The following SRSF2 variants were observed in gnomAD, a reference collection of about 807,000 sequenced individuals.
The protein encoded by SRSF2 is serine/arginine-rich splicing factor 2.
A neutral mutation model predicts 15.7 loss-of-function variants in SRSF2; 4 were observed. That is an observed-to-expected ratio of 0.26 (90% confidence interval 0.13 to 0.58). The LOEUF (loss-of-function observed/expected upper bound fraction) is 0.58, where lower values mean the gene tolerates loss of function less well. Among genes scored for constraint, SRSF2 ranks in the 20% least tolerant of loss-of-function variants. The probability of loss-of-function intolerance (pLI) is 0.90; values close to 1 mark genes in which losing one functional copy is unlikely to be tolerated. For missense variants in SRSF2, 147 were observed against 332.4 expected (o/e 0.44, Z 4.34); for synonymous variants, 192 against 138.9 (o/e 1.38, Z -2.69).
At position 76,737,193 on chromosome 17, in the gene SRSF2, TGGCGCC is replaced by T; in HGVS notation, c.-39_-34del. 1 of 1,512,680 alleles carries T rather than the reference TGGCGCC, an allele frequency of 6.6e-7. No individual in the cohort carries two copies. Among genetic ancestry groups the T allele is most frequent in the South Asian group, 1.3e-5 (1 of 78,376 alleles). The allele number at this position is 1,512,680 out of a possible 1,614,324, so 93.7% of individuals were successfully genotyped here. ...AGTGGCGGCCCGGAGCCCCGCGAAC[TGGCGCC>T]GGCTTCCTCAGCTCTGGGCGGTGCG... is the stretch of plus-strand genomic sequence containing the variant. On this transcript the variant is annotated 5_prime_UTR_variant, in exon 1 of 3. Coordinates refer to ENST00000359995, the MANE Select transcript of SRSF2 (RefSeq NM_001195427.2).
chr17:76,734,865 CAAAA>C lies in SRSF2; in HGVS notation c.*297_*300del, dbSNP rs779289720. On this transcript the variant is annotated 3_prime_UTR_variant, in exon 3 of 3. Coordinates refer to ENST00000359995, the MANE Select transcript of SRSF2 (RefSeq NM_001195427.2). ...GGTTACCAATCTGTTTAATTTCAAA[CAAAA>C]AAAGTCAGCACTATATAACAAAATG... 3 of 238,716 alleles carry C rather than the reference CAAAA, an allele frequency of 1.3e-5. No homozygotes were observed. Among genetic ancestry groups the C allele is most frequent in the South Asian group, 1.8e-4 (1 of 5,452 alleles). The allele number at this position is 238,716 out of a possible 1,614,324, so 14.8% of individuals were successfully genotyped here. A position where few individuals can be genotyped will look rare whatever the true frequency, so the allele number is the denominator to read the frequency against.
At chr17:76,735,976 A>G (rs1477311339) in intron 2 of SRSF2, 178 bp downstream of exon 2, 3 of 642,066 alleles carry the variant, frequency 4.7e-6, no homozygotes, top group Non-Finnish European at 8.1e-6. Context: ...TTATTATCTA[A>G]GCTTCATACA....
chr17:76,736,677 G>A (rs1474865958), intron 1 of SRSF2, 122 bp downstream of exon 1: 3 of 1,235,086 alleles, frequency 2.4e-6, no homozygotes, highest in South Asian at 2.3e-5. Flanking sequence ...GTCGCGAGAC[G>A]CGGCGTGCAC....
chr17:76,737,364 T>G (rs975491391), upstream of SRSF2: 16 of 599,434 alleles, frequency 2.7e-5, no homozygotes, highest in African/African-American at 1.7e-4. Flanking sequence ...CCCGTTTATA[T>G]CGCTCCTCAC....
chr17:76,736,553 C>T lies in SRSF2; in HGVS notation c.363-89G>A, dbSNP rs529999340. On this transcript the variant is annotated intron_variant, in intron 1 of 2. Coordinates refer to ENST00000359995, the MANE Select transcript of SRSF2 (RefSeq NM_001195427.2). Reference sequence around the variant, plus strand: ...GCGCTCCCGCCCAGGCCGCCATTATCTCGCCGCCAGACGCCATTTCCCCAG... The same window carrying T: ...GCGCTCCCGCCCAGGCCGCCATTATTTCGCCGCCAGACGCCATTTCCCCAG... 98 of 1,426,258 alleles carry T rather than the reference C, an allele frequency of 6.9e-5. 1 individual carries two copies. In the South Asian group the frequency reaches 1.1e-3, roughly 15 times the overall value. 88.4% of individuals were successfully genotyped at this position (1,426,258 alleles called of 1,614,324 possible). A position where few individuals can be genotyped will look rare whatever the true frequency, so the allele number is the denominator to read the frequency against.
chr17:76,736,483 A>T lies in SRSF2; in HGVS notation c.363-19T>A, dbSNP rs1442770509. 2.5e-6 allele frequency: 4 copies of T among 1,606,824 alleles called. No homozygotes were observed. The highest frequency in any genetic ancestry group is 3.4e-6 in the Non-Finnish European group (4 of 1,179,434). ...CCTAGGGCTGCGGGCGGGACGAGCA[A>T]GCACAGCGGGGTTAATTCCAGGCAG... On this transcript the variant is annotated intron_variant, in intron 1 of 2. Coordinates refer to ENST00000359995, the MANE Select transcript of SRSF2 (RefSeq NM_001195427.2).
At position 76,737,331 on chromosome 17, in the gene SRSF2, T is replaced by C. The variant is rs940375338; in HGVS notation, c.-171A>G. On this transcript the variant is annotated 5_prime_UTR_variant, in exon 1 of 3. Transcript: ENST00000359995. Reference sequence around the variant, plus strand: ...CAGGCTAGCGCACCTGAGTAACAACTGGGCGGGCAGCCGGCCTCTGCGCCC... The same window carrying C: ...CAGGCTAGCGCACCTGAGTAACAACCGGGCGGGCAGCCGGCCTCTGCGCCC... 1.8e-4 allele frequency: 158 copies of C among 866,214 alleles called. No individual in the cohort carries two copies. Among genetic ancestry groups the C allele is most frequent in the Non-Finnish European group, 2.6e-4 (154 of 596,530 alleles). The allele number at this position is 866,214 out of a possible 1,614,324, so 53.7% of individuals were successfully genotyped here.
chr17:76,737,261 G>T lies in SRSF2; in HGVS notation c.-101C>A. The T allele has an allele frequency of 7.0e-7, 1 of 1,429,592 alleles. No individual in the cohort carries two copies. The highest frequency in any genetic ancestry group is 9.3e-7 in the Non-Finnish European group (1 of 1,080,268). 88.6% of individuals were successfully genotyped at this position (1,429,592 alleles called of 1,614,324 possible). A position where few individuals can be genotyped will look rare whatever the true frequency, so the allele number is the denominator to read the frequency against. ...CTCAGGCAGTTGCCTTCCGCGTGGG[G>T]ACACTGGGAAAGGCCTTGCCGCAGA... On this transcript the variant is annotated 5_prime_UTR_variant, in exon 1 of 3. Transcript: ENST00000359995.
At position 76,737,280 on chromosome 17, in the gene SRSF2, C is replaced by A; in HGVS notation, c.-120G>T. ...CGTGGGGACACTGGGAAAGGCCTTG[C>A]CGCAGAACAGCACGGACGGGCTCCG... On this transcript the variant is annotated 5_prime_UTR_variant, in exon 1 of 3. Transcript: ENST00000359995. 7.4e-7 allele frequency: 1 copy of A among 1,358,536 alleles called. No homozygotes were observed. The highest frequency in any genetic ancestry group is 9.8e-7 in the Non-Finnish European group (1 of 1,022,434). The allele number at this position is 1,358,536 out of a possible 1,614,324, so 84.2% of individuals were successfully genotyped here. A position where few individuals can be genotyped will look rare whatever the true frequency, so the allele number is the denominator to read the frequency against.
Position 76,737,298 on chromosome 17 carries a change from G to A in SRSF2, c.-138C>T, listed in dbSNP as rs535772387. The A allele has an allele frequency of 3.9e-4, 469 of 1,214,364 alleles. 2 individuals are homozygous for A. Among genetic ancestry groups the A allele is most frequent in the African/African-American group, 1.3e-3 (88 of 65,270 alleles). 75.2% of individuals were successfully genotyped at this position (1,214,364 alleles called of 1,614,324 possible). On this transcript the variant is annotated 5_prime_UTR_variant, in exon 1 of 3. Coordinates refer to ENST00000359995, the MANE Select transcript of SRSF2 (RefSeq NM_001195427.2). ...GGCCTTGCCGCAGAACAGCACGGACGGGCTCCGCAGGCTAGCGCACCTGAG... is the reference window on the plus strand; with the variant it reads ...GGCCTTGCCGCAGAACAGCACGGACAGGCTCCGCAGGCTAGCGCACCTGAG...
rs1035631677 is a variant in SRSF2, at chr17:76,734,871, AAGTC to A, written c.*291_*294del. The stretch of plus-strand genomic sequence containing the variant: ...CAATCTGTTTAATTTCAAACAAAAA[AAGTC>A]AGCACTATATAACAAAATGAAATTT... On this transcript the variant is annotated 3_prime_UTR_variant, in exon 3 of 3. Coordinates refer to ENST00000359995, the MANE Select transcript of SRSF2 (RefSeq NM_001195427.2). 2.6e-4 allele frequency: 62 copies of A among 239,732 alleles called. 1 individual carries two copies. The highest frequency in any genetic ancestry group is 1.7e-4 in the Non-Finnish European group (19 of 113,150). The allele number at this position is 239,732 out of a possible 1,614,324, so 14.9% of individuals were successfully genotyped here.
chr17:76,736,366 C>G lies in SRSF2; in HGVS notation c.461G>C (p.Arg154Pro), dbSNP rs1244786482. The change falls in exon 2 of 3, where the codon CGT becomes CCT. Residue 154 changes from arginine (R) to proline (P), a missense_variant. Arg to Pro is a moderately radical substitution (Grantham distance 103). Transcript: ENST00000359995. ...CTTGGAGGTCGACCGAGATCGAGAA[C>G]GAGTGCGGGACCGAGACTTCGAGCG... ...YSRSKSRSRT[R>P]SRSRSTSKSR... 6 of 1,614,022 alleles carry G rather than the reference C, an allele frequency of 3.7e-6. No homozygotes were observed. Among genetic ancestry groups the G allele is most frequent in the Non-Finnish European group, 3.4e-6 (4 of 1,180,034 alleles).
At position 76,736,924 on chromosome 17, in the gene SRSF2, C is replaced by A. The variant is rs1453859851; in HGVS notation, c.237G>T (p.Val79=). The change falls in exon 1 of 3, where the codon GTG becomes GTT. Residue 79 remains valine, a synonymous_variant. Coordinates refer to ENST00000359995, the MANE Select transcript of SRSF2 (RefSeq NM_001195427.2). The part of the protein sequence containing the change: ...EDAMDAMDGA[V]LDGRELRVQM... Reference sequence around the variant, plus strand: ...GCACCCGCAGCTCGCGGCCGTCCAGCACGGCCCCGTCCATGGCATCCATAG... The same window carrying A: ...GCACCCGCAGCTCGCGGCCGTCCAGAACGGCCCCGTCCATGGCATCCATAG... The A allele has an allele frequency of 3.7e-6, 6 of 1,612,916 alleles. No homozygotes were observed. The highest frequency in any genetic ancestry group is 1.3e-5 in the African/African-American group (1 of 74,984).
Position 76,736,847 on chromosome 17 carries a change from G to A in SRSF2, c.314C>T (p.Pro105Leu), listed in dbSNP as rs1281613831. 1 of 1,605,408 alleles carries A rather than the reference G, an allele frequency of 6.2e-7. No individual in the cohort carries two copies. Among genetic ancestry groups the A allele is most frequent in the Non-Finnish European group, 8.5e-7 (1 of 1,176,408 alleles). Residue 105 changes from proline (P) to leucine (L), a missense_variant, in exon 1 of 3, where the codon CCG becomes CTG. By Grantham distance (98) the Pro-to-Leu change is moderately conservative. Around this residue, in one of 2 missense-constraint regions of SRSF2, gnomAD observed 125 missense variants for 185.1 expected, o/e 0.68. Transcript: ENST00000359995. ...PPDSHHSRRG[P>L]PPRRYGGGGY... ...ACCGCCCCCGTACCTGCGGGGTGGC[G>A]GTCCCCGGCGGCTGTGGTGTGAGTC...
rs1026276930 is a variant in SRSF2, at chr17:76,734,976, GCAA to G, written c.*187_*189del. On this transcript the variant is annotated 3_prime_UTR_variant, in exon 3 of 3. Coordinates refer to ENST00000359995, the MANE Select transcript of SRSF2 (RefSeq NM_001195427.2). Reference sequence around the variant, plus strand: ...TAAATTACAAGAAATTTGAATAACAGCAACAAAATGGCACATAAAATGAAGTTT... The same window carrying G: ...TAAATTACAAGAAATTTGAATAACAGCAAAATGGCACATAAAATGAAGTTT... 1 of 224,828 alleles carries G rather than the reference GCAA, an allele frequency of 4.4e-6. No individual in the cohort carries two copies. The highest frequency in any genetic ancestry group is 2.2e-5 in the African/African-American group (1 of 44,700). 13.9% of individuals were successfully genotyped at this position (224,828 alleles called of 1,614,324 possible).
Position 76,736,582 on chromosome 17 carries a change from C to T in SRSF2, c.363-118G>A, listed in dbSNP as rs761108823. Reference sequence around the variant, plus strand: ...CCGCCAGACGCCATTTCCCCAGTCGCGAGGCGGGGTCCTCCGCCCCGCGCC... The same window carrying T: ...CCGCCAGACGCCATTTCCCCAGTCGTGAGGCGGGGTCCTCCGCCCCGCGCC... On this transcript the variant is annotated intron_variant, in intron 1 of 2. Coordinates refer to ENST00000359995, the MANE Select transcript of SRSF2 (RefSeq NM_001195427.2). 6 of 1,273,130 alleles carry T rather than the reference C, an allele frequency of 4.7e-6. No individual in the cohort carries two copies. The African/African-American group carries it at 9.3e-5, about 20-fold the overall frequency. The allele number at this position is 1,273,130 out of a possible 1,614,324, so 78.9% of individuals were successfully genotyped here.
intron 1 of SRSF2, 97 bp downstream of exon 1, chr17:76,736,702 G>A: frequency 1.5e-6 from 2 of 1,326,412 alleles, no homozygotes; most frequent in Non-Finnish European, 9.7e-7. Flanking sequence ...GCCCCGTCCG[G>A]GCCCGCACCA....
chr17:76,736,849 T>G lies in SRSF2; in HGVS notation c.312A>C (p.Gly104=). The stretch of plus-strand genomic sequence containing the variant: ...CGCCCCCGTACCTGCGGGGTGGCGG[T>G]CCCCGGCGGCTGTGGTGTGAGTCCG... ...RPPDSHHSRR[G]PPPRRYGGGG... The change falls in exon 1 of 3, where the codon GGA becomes GGC. Residue 104 remains glycine (G), a synonymous_variant. Coordinates refer to ENST00000359995, the MANE Select transcript of SRSF2 (RefSeq NM_001195427.2). 6.2e-7 allele frequency: 1 copy of G among 1,606,026 alleles called. No homozygotes were observed. The highest frequency in any genetic ancestry group is 8.5e-7 in the Non-Finnish European group (1 of 1,176,788).
Position 76,736,515 on chromosome 17 carries a change from C to G in SRSF2, c.363-51G>C, listed in dbSNP as rs768558412. 2.6e-6 allele frequency: 4 copies of G among 1,557,474 alleles called. No homozygotes were observed. In the Admixed American group the frequency reaches 7.2e-5, roughly 28 times the overall value. ...CGGGGTTAATTCCAGGCAGCGGGGC[C>G]GGCCCCGCCCGCGCGCTCCCGCCCA... On this transcript the variant is annotated intron_variant, in intron 1 of 2. Coordinates refer to ENST00000359995, the MANE Select transcript of SRSF2 (RefSeq NM_001195427.2).
Sources: gnomAD v4.1 joint callset for allele counts on GRCh38, gnomAD v4.1.1 for gene constraint, gnomAD v4.1.1 regional missense constraint, MANE v1.5 for transcripts, NCBI Gene and HGNC (gene_info 2026-07-23, HGNC 2026-07-21) for gene names.